The following LTBP2 variants were observed in gnomAD, a reference collection of about 807,000 sequenced individuals.
LTBP2 encodes latent-transforming growth factor beta-binding protein 2.
A neutral mutation model predicts 210.6 loss-of-function variants in LTBP2; 103 were observed. That is an observed-to-expected ratio of 0.49 (90% CI 0.42 to 0.58). The LOEUF (loss-of-function observed/expected upper bound fraction) is 0.58. Ranked by LOEUF, LTBP2 falls within the 20% of genes least tolerant of loss-of-function variation. The pLI is 0.00. For synonymous variants in LTBP2, 1,007 were observed against 1,015.0 expected (o/e 0.99, Z 0.15); for missense variants, 2,313 against 2,494.5 (o/e 0.93, Z 1.55).
At chr14:74,570,479 G>A (rs938882786) in intron 3 of LTBP2, among the ~76,000 whole-genome samples, 10 of 152,170 alleles carry the variant, frequency 6.6e-5, no homozygotes, top group African/African-American at 1.9e-4. Flanking sequence ...TGCCCTTTCC[G>A]CTCTCACAGG....
At chr14:74,563,874 G>GA (rs2087830438) in intron 3 of LTBP2, among the ~76,000 whole-genome samples, 1 of 148,858 alleles carries the variant, frequency 6.7e-6, no homozygotes, top group Admixed American at 6.9e-5. Flanking sequence ...GTAACATACA[G>GA]AAAATAAGGA....
At position 74,516,866 on chromosome 14, in the gene LTBP2, T is replaced by G; in HGVS notation, c.2864A>C (p.Glu955Ala). The change falls in exon 18 of 36, where the codon GAG becomes GCG. Residue 955 changes from glutamate to alanine, a missense_variant. Physicochemically the swap from Glu to Ala is moderately radical, Grantham distance 107 (BLOSUM62 -1). Coordinates refer to ENST00000261978, the MANE Select transcript of LTBP2 (RefSeq NM_000428.3). ...CTNTEGSYHC[E>A]CDQGYIMVRK... Reference sequence around the variant, plus strand: ...GACCATGATGTAGCCCTGATCACACTCGCAGTGGTACGAGCCCTCGGTGTT... The same window carrying G: ...GACCATGATGTAGCCCTGATCACACGCGCAGTGGTACGAGCCCTCGGTGTT... 1 of 1,551,928 alleles carries G rather than the reference T, an allele frequency of 6.4e-7. No individual in the cohort carries two copies. The highest frequency in any genetic ancestry group is 8.7e-7 in the Non-Finnish European group (1 of 1,147,078).
At chr14:74,534,795 C>T (rs925535981) in intron 9 of LTBP2, among the ~76,000 whole-genome samples, 1 of 152,042 alleles carries the variant, frequency 6.6e-6, no homozygotes, top group African/African-American at 2.4e-5. Flanking sequence ...CAGGTCCCTT[C>T]GCAGACACAG....
In LTBP2 at chr14:74,518,552, G is replaced by A. The variant is rs146487749; in HGVS notation, c.2789-1611C>T. ...TGAGGGCCCAGCTTTCAGTGTACCT[G>A]TTCATTTACTTGCTTCTCCCTGACT... On this transcript the variant is annotated intron_variant, in intron 17 of 35. Coordinates refer to ENST00000261978, the MANE Select transcript of LTBP2 (RefSeq NM_000428.3). Among the ~76,000 whole-genome samples, 1,309 of 152,230 alleles carry A rather than the reference G, an allele frequency of 8.6e-3. 24 individuals are homozygous for A. The highest frequency in any genetic ancestry group is 0.03 in the African/African-American group (1,234 of 41,530).
Position 74,555,535 on chromosome 14 carries a change from G to C in LTBP2, c.989C>G (p.Ala330Gly). The C allele has an allele frequency of 6.2e-7, 1 of 1,613,446 alleles. No homozygotes were observed. Among genetic ancestry groups the C allele is most frequent in the South Asian group, 1.1e-5 (1 of 90,970 alleles). ...GGATGAGGGGTGCTCCAGAGGTACC[G>C]CCTGTTGGGTGCCATCTCTCTGCTC... ...GLEQRDGTQQ[A>G]VPLEHPSSPW... The change falls in exon 4 of 36, where the codon GCG (alanine) becomes GGG (glycine). Residue 330 changes from alanine to glycine, a missense_variant. Around this residue, in one of 3 missense-constraint regions of LTBP2, gnomAD observed 1,867 missense variants for 1,976.9 expected, o/e 0.94. Coordinates refer to ENST00000261978, the MANE Select transcript of LTBP2 (RefSeq NM_000428.3).
In LTBP2 at chr14:74,583,889, G is replaced by T. The variant is rs529454754; in HGVS notation, c.830+1965C>A. Among the ~76,000 whole-genome samples the T allele has an allele frequency of 1.4e-4, 22 of 152,288 alleles. No homozygotes were observed. The East Asian group carries it at 4.1e-3, about 28-fold the overall frequency. On this transcript the variant is annotated intron_variant, in intron 3 of 35. Coordinates refer to ENST00000261978, the MANE Select transcript of LTBP2 (RefSeq NM_000428.3). Reference sequence around the variant, plus strand: ...CTGAAGGCAGGGTGAAAAGTGCTGCGCTAGGGAAAAATGGAGAACCCACCA... The same window carrying T: ...CTGAAGGCAGGGTGAAAAGTGCTGCTCTAGGGAAAAATGGAGAACCCACCA...
At chr14:74,541,568 C>A (rs67507466) in intron 8 of LTBP2, among the ~76,000 whole-genome samples, 56,307 of 151,822 alleles carry the variant, frequency 0.37, 11,010 homozygotes, top group African/African-American at 0.46. Context: ...TGAACTCAGG[C>A]AGTCTAGCTC....
In LTBP2 at chr14:74,499,468, ACAAT is replaced by A. The variant is rs933502371; in HGVS notation, c.*1412_*1415del. 6 of 228,070 alleles carry A rather than the reference ACAAT, an allele frequency of 2.6e-5. No homozygotes were observed. The highest frequency in any genetic ancestry group is 6.7e-5 in the African/African-American group (3 of 45,078). 14.1% of individuals were successfully genotyped at this position (228,070 alleles called of 1,614,324 possible). ...CATTCAATAAGTTATGTGATGGCTA[ACAAT>A]CAGAGGAGCAGGTAGGACAGGGCAG... On this transcript the variant is annotated 3_prime_UTR_variant, in exon 36 of 36. Coordinates refer to ENST00000261978, the MANE Select transcript of LTBP2 (RefSeq NM_000428.3).
At chr14:74,601,386 AAATT>A (rs890440954) in intron 2 of LTBP2, among the ~76,000 whole-genome samples, 2 of 152,158 alleles carry the variant, frequency 1.3e-5, no homozygotes, top group Non-Finnish European at 2.9e-5. Context: ...TCTCTACAAA[AAATT>A]AATTAATTAA....
At position 74,525,166 on chromosome 14, in the gene LTBP2, C is replaced by A; in HGVS notation, c.2488G>T (p.Val830Leu). 1 of 1,332,118 alleles carries A rather than the reference C, an allele frequency of 7.5e-7. No individual in the cohort carries two copies. The highest frequency in any genetic ancestry group is 9.7e-7 in the Non-Finnish European group (1 of 1,032,150). 82.5% of individuals were successfully genotyped at this position (1,332,118 alleles called of 1,614,324 possible). ...QGIAEIQEEQ[V>L]TPSTDVLVTL... ...ACCAGCACATCAGTGGAGGGGGTCA[C>A]TTGTTCTTCCTGTATCTCTGCAATC... The change falls in exon 15 of 36, where the codon GTG becomes TTG. Residue 830 changes from valine to leucine, a missense_variant. Coordinates refer to ENST00000261978, the MANE Select transcript of LTBP2 (RefSeq NM_000428.3).
intron 3 of LTBP2, among the ~76,000 whole-genome samples, chr14:74,561,732 G>A (rs1237082794): frequency 6.6e-6 from 1 of 152,110 alleles, no homozygotes; most frequent in Admixed American, 6.6e-5. Context: ...GGAAACTGAG[G>A]CTCAGAAAAA....
At position 74,506,605 on chromosome 14, in the gene LTBP2, G is replaced by A. The variant is rs1276423582; in HGVS notation, c.4033+93C>T. 6 of 1,580,162 alleles carry A rather than the reference G, an allele frequency of 3.8e-6. No homozygotes were observed. The Admixed American group carries it at 6.7e-5, about 18-fold the overall frequency. ...CCTTGCCCATGCTCTGGGGACCCGT[G>A]ATGGAGCCACGTGACCAGGACCAGT... is the stretch of plus-strand genomic sequence containing the variant. On this transcript the variant is annotated intron_variant, in intron 27 of 35. Coordinates refer to ENST00000261978, the MANE Select transcript of LTBP2 (RefSeq NM_000428.3).
At chr14:74,510,242 C>T in intron 19 of LTBP2, 29 bp from the exon 20 acceptor site, 2 of 1,611,284 alleles carry the variant, frequency 1.2e-6, no homozygotes, top group Non-Finnish European at 1.7e-6. Flanking sequence ...AGACGGTGGG[C>T]TGGCCTCCTC....
intron 18 of LTBP2, among the ~76,000 whole-genome samples, chr14:74,513,679 T>C (rs1419811007): frequency 6.7e-6 from 1 of 149,922 alleles, no homozygotes. Flanking sequence ...GGTGGGCACC[T>C]GTAGTCCCAG....
Position 74,522,837 on chromosome 14 carries a change from A to C in LTBP2, c.2612T>G (p.Val871Gly), listed in dbSNP as rs1300348924. ...GTGCAGCTGGTAGCCAGGGCTGCAG[A>C]CACATCTGTATCCATCGGGGAGGTT... is the stretch of plus-strand genomic sequence containing the variant. ...CVNLPDGYRC[V>G]CSPGYQLHPS... is the part of the protein sequence containing the mutation. Residue 871 changes from valine (V) to glycine (G), a missense_variant, in exon 16 of 36, where the codon GTC (valine) becomes GGC (glycine). Val to Gly is a moderately radical substitution (Grantham distance 109). Transcript: ENST00000261978. 1 of 1,612,474 alleles carries C rather than the reference A, an allele frequency of 6.2e-7. No individual in the cohort carries two copies. Among genetic ancestry groups the C allele is most frequent in the Non-Finnish European group, 8.5e-7 (1 of 1,179,460 alleles).
chr14:74,591,600 C>A (rs1357504316), intron 2 of LTBP2, among the ~76,000 whole-genome samples: 1 of 152,218 alleles, frequency 6.6e-6, no homozygotes, highest in Non-Finnish European at 1.5e-5. Context: ...CAAGTCTCGG[C>A]AAGATGCCTG....
intron 2 of LTBP2, among the ~76,000 whole-genome samples, chr14:74,601,190 T>C (rs757405128): frequency 1.3e-5 from 2 of 152,162 alleles, no homozygotes; most frequent in Admixed American, 6.5e-5. Context: ...CTCAGGTTCT[T>C]TTCCAATAAG....
intron 26 of LTBP2, 103 bp downstream of exon 26, chr14:74,507,076 G>T: frequency 1.3e-6 from 2 of 1,594,410 alleles, no homozygotes; most frequent in Non-Finnish European, 1.7e-6. Context: ...GCTACAATCA[G>T]CTGCAAAAAA....
In LTBP2 at chr14:74,551,312, G is replaced by A; in HGVS notation, c.1438C>T (p.His480Tyr). 1.3e-6 allele frequency: 2 copies of A among 1,593,414 alleles called. No individual in the cohort carries two copies. The highest frequency in any genetic ancestry group is 8.6e-7 in the Non-Finnish European group (1 of 1,167,710). The change falls in exon 7 of 36, where the codon CAC becomes TAC. Residue 480 changes from histidine to tyrosine, a missense_variant. His to Tyr is a moderately conservative substitution (Grantham distance 83). This residue lies in a region of LTBP2 where 1,867 missense variants were observed against 1,976.9 expected (regional missense o/e 0.94). Coordinates refer to ENST00000261978, the MANE Select transcript of LTBP2 (RefSeq NM_000428.3). ...ATCTGCACTGAGGCCTCGGGTGGGT[G>A]GTGAATGTGCACCTTCACCAGGGAG... ...NPSLVKVHIHHPPEASVQIHQ... is the reference protein window; with the variant it reads ...NPSLVKVHIHYPPEASVQIHQ...
Sources: allele counts gnomAD v4.1 joint callset (sites outside exome capture counted in the v4.1 genomes callset), GRCh38; gene constraint gnomAD v4.1.1; regional missense constraint gnomAD v4.1.1; transcripts MANE v1.5; gene names NCBI Gene and HGNC (gene_info 2026-07-23, HGNC 2026-07-21).